The following PLCH1 variants were observed in gnomAD, a reference collection of about 807,000 sequenced individuals.
The protein encoded by PLCH1 is phospholipase C eta 1, also known as 1-phosphatidylinositol 4,5-bisphosphate phosphodiesterase eta-1.
PLCH1 carries 60 observed loss-of-function variants against 126.7 expected under a neutral mutation model. The observed-to-expected ratio is 0.47, with a 90% CI of 0.38 to 0.59. The LOEUF (loss-of-function observed/expected upper bound fraction) is 0.59. PLCH1 is among the 20% of genes least tolerant of loss of function. PLCH1 has a pLI of 0.00. For synonymous variants in PLCH1, 719 were observed against 734.9 expected (o/e 0.98, Z 0.35); for missense variants, 1,723 against 2,040.0 (o/e 0.84, Z 2.99).
chr3:155,540,572 G>T (rs1203610954), intron 10 of PLCH1, among the ~76,000 whole-genome samples: 1 of 152,038 alleles, frequency 6.6e-6, no homozygotes, highest in Non-Finnish European at 1.5e-5. Context: ...CCATCAAAAA[G>T]TAGGCTAAGG....
At chr3:155,653,267 C>G (rs1258008937) in intron 2 of PLCH1, among the ~76,000 whole-genome samples, 2 of 152,176 alleles carry the variant, frequency 1.3e-5, no homozygotes, top group African/African-American at 4.8e-5. Flanking sequence ...AATTTTCCAG[C>G]CTTGACCTCC....
At chr3:155,608,421 A>G (rs763295032) in intron 2 of PLCH1, among the ~76,000 whole-genome samples, 1 of 152,118 alleles carries the variant, frequency 6.6e-6, no homozygotes, top group African/African-American at 2.4e-5. Context: ...CCTTCTCAAC[A>G]AGGAGGCTTG....
chr3:155,616,555 A>C (rs971259557), intron 2 of PLCH1, among the ~76,000 whole-genome samples: 26 of 152,168 alleles, frequency 1.7e-4, no homozygotes, highest in African/African-American at 6.0e-4. Flanking sequence ...TTTATGATTA[A>C]ACTTGTTTAA....
intron 10 of PLCH1, among the ~76,000 whole-genome samples, chr3:155,542,545 G>C (rs1454670165): frequency 6.6e-6 from 1 of 152,084 alleles, no homozygotes; most frequent in Non-Finnish European, 1.5e-5. Flanking sequence ...GGTTCTCCCA[G>C]CACGCAGCTG....
chr3:155,504,002 G>T (rs1718292505), intron 13 of PLCH1, among the ~76,000 whole-genome samples: 1 of 152,190 alleles, frequency 6.6e-6, no homozygotes, highest in African/African-American at 2.4e-5. Flanking sequence ...CTAACATTTG[G>T]TTCTTGCCAT....
intron 21 of PLCH1, among the ~76,000 whole-genome samples, chr3:155,463,252 A>G (rs1454085038): frequency 6.6e-6 from 1 of 152,238 alleles, no homozygotes; most frequent in Non-Finnish European, 1.5e-5. Context: ...TATATACAGC[A>G]ACAAAACTTT....
At chr3:155,684,162 A>C (rs1427914253) in intron 2 of PLCH1, among the ~76,000 whole-genome samples, 1 of 152,220 alleles carries the variant, frequency 6.6e-6, no homozygotes, top group Non-Finnish European at 1.5e-5. Flanking sequence ...ACGCATGGTC[A>C]TCATAACGCA....
chr3:155,475,358 AT>A (rs1713493794), downstream of PLCH1, among the ~76,000 whole-genome samples: 1 of 152,034 alleles, frequency 6.6e-6, no homozygotes, highest in Non-Finnish European at 1.5e-5. Flanking sequence ...AAGTGCCTAC[AT>A]TTAAAAAGAG....
At chr3:155,661,131 A>G (rs1484381886) in intron 2 of PLCH1, among the ~76,000 whole-genome samples, 1 of 152,244 alleles carries the variant, frequency 6.6e-6, no homozygotes, top group African/African-American at 2.4e-5. Flanking sequence ...GCACTCTCAT[A>G]TACCATATAA....
At chr3:155,517,174 G>A (rs554995005) in intron 11 of PLCH1, among the ~76,000 whole-genome samples, 4 of 152,170 alleles carry the variant, frequency 2.6e-5, no homozygotes, top group East Asian at 1.9e-4. Context: ...GGGCATGGTG[G>A]CATGCACCTG....
chr3:155,487,867 A>G (rs1715501087), intron 21 of PLCH1, among the ~76,000 whole-genome samples, 161 bp downstream of exon 21: 1 of 152,246 alleles, frequency 6.6e-6, no homozygotes, highest in Admixed American at 6.5e-5. Flanking sequence ...CAGGTGGATC[A>G]GGACATGACT....
intron 8 of PLCH1, among the ~76,000 whole-genome samples, chr3:155,559,959 A>G (rs1164097558): frequency 6.6e-6 from 1 of 152,200 alleles, no homozygotes; most frequent in Non-Finnish European, 1.5e-5. Context: ...TTCCTTCTTA[A>G]TACCCCAAAC....
intron 19 of PLCH1, among the ~76,000 whole-genome samples, chr3:155,489,016 G>A (rs557648905): frequency 1.3e-5 from 2 of 152,310 alleles, no homozygotes; most frequent in East Asian, 1.9e-4. Context: ...AAAATTGCCT[G>A]TAAATTATCA....
At chr3:155,473,681 C>G (rs1454094222) in intron 21 of PLCH1, among the ~76,000 whole-genome samples, 11 of 152,070 alleles carry the variant, frequency 7.2e-5, no homozygotes, top group African/African-American at 2.7e-4. Context: ...AACTATACTA[C>G]AAGGCTACAG....
intron 4 of PLCH1, among the ~76,000 whole-genome samples, chr3:155,590,471 G>C (rs551117194): frequency 1.3e-5 from 2 of 149,180 alleles, no homozygotes; most frequent in African/African-American, 4.9e-5. Context: ...CCAGCTACTC[G>C]GGAGGCTGAG....
At chr3:155,585,373 C>T (rs555133954) in intron 5 of PLCH1, among the ~76,000 whole-genome samples, 11 of 152,290 alleles carry the variant, frequency 7.2e-5, no homozygotes, top group African/African-American at 2.6e-4. Flanking sequence ...CGCAACTTAT[C>T]TTCAAATAAT....
At chr3:155,612,673 G>A (rs1440046647) in intron 2 of PLCH1, among the ~76,000 whole-genome samples, 1 of 151,912 alleles carries the variant, frequency 6.6e-6, no homozygotes, top group African/African-American at 2.4e-5. Flanking sequence ...TACTTCGGGA[G>A]GCCGAGGCAG....
chr3:155,687,706 T>C (rs561342132), intron 2 of PLCH1, among the ~76,000 whole-genome samples: 2 of 152,310 alleles, frequency 1.3e-5, no homozygotes, highest in African/African-American at 4.8e-5. Flanking sequence ...AGGCTGCAAG[T>C]TGACATACTG....
intron 21 of PLCH1, 84 bp from the exon 22 acceptor site, chr3:155,485,794 A>T (rs1310414690): frequency 1.2e-6 from 1 of 809,782 alleles, no homozygotes; most frequent in African/African-American, 1.7e-5. Context: ...CTCCATGAAA[A>T]ATGAATATAA....
Sources: gnomAD v4.1 joint callset for allele counts (sites outside exome capture counted in the v4.1 genomes callset) on GRCh38, gnomAD v4.1.1 for gene constraint, MANE v1.5 for transcripts, NCBI Gene and HGNC (gene_info 2026-07-23, HGNC 2026-07-21) for gene names.